Variants in EPS8 observed in about 807,000 individuals in gnomAD.
EPS8 encodes the protein epidermal growth factor receptor kinase substrate 8.
EPS8 carries 42 observed loss-of-function variants against 103.8 expected under a neutral mutation model. The observed-to-expected ratio is 0.40, with a 90% CI of 0.32 to 0.52. The LOEUF (loss-of-function observed/expected upper bound fraction) is 0.52, where lower values mean the gene tolerates loss of function less well. Among genes scored for constraint, EPS8 ranks in the 20% least tolerant of loss-of-function variants. The pLI is 0.40. For synonymous variants in EPS8, 344 were observed against 344.6 expected (o/e 1.00, Z 0.02); for missense variants, 969 against 1,005.1 (o/e 0.96, Z 0.49).
rs1945540591 is a variant in EPS8 at position 15,658,149 on chromosome 12, T to C, written c.1031A>G (p.Lys344Arg). 2 of 1,609,652 alleles carry C rather than the reference T, an allele frequency of 1.2e-6. No individual in the cohort carries two copies. Among genetic ancestry groups the C allele is most frequent in the South Asian group, 2.2e-5 (2 of 90,950 alleles). ...AGGATTCTGAATATGAGACTTCAGTTTGGCCTGCAACATGAAGAAAACAGA... is the reference window on the plus strand; with the variant it reads ...AGGATTCTGAATATGAGACTTCAGTCTGGCCTGCAACATGAAGAAAACAGA... ...KFKHGFNLLAKLKSHIQNPSA... is the reference protein window; with the variant it reads ...KFKHGFNLLARLKSHIQNPSA... The change falls in exon 12 of 21, where the codon AAA (lysine) becomes AGA (arginine). Residue 344 changes from lysine (K) to arginine (R), a missense_variant. Transcript: ENST00000281172.
intron 17 of EPS8, among the ~76,000 whole-genome samples, chr12:15,637,948 A>G (rs1166163085): frequency 6.6e-6 from 1 of 152,192 alleles, no homozygotes; most frequent in Non-Finnish European, 1.5e-5. Context: ...AGTACTCAAT[A>G]TGTATTTGTG....
At chr12:15,661,251 T>C (rs899403756) in intron 9 of EPS8, among the ~76,000 whole-genome samples, 2 of 152,182 alleles carry the variant, frequency 1.3e-5, no homozygotes, top group Non-Finnish European at 2.9e-5. Context: ...CAGAGATCAC[T>C]GGAATGAATT....
At position 15,757,929 on chromosome 12, in the gene EPS8, G is replaced by A. The variant is rs1180183556; in HGVS notation, c.-22+31232C>T. Among the ~76,000 whole-genome samples, 1 of 152,188 alleles carries A rather than the reference G, an allele frequency of 6.6e-6. No homozygotes were observed. Among genetic ancestry groups the A allele is most frequent in the Non-Finnish European group, 1.5e-5 (1 of 68,042 alleles). ...CAGATCTCAGCTGGAACAGCTATCT[G>A]CTCCTCATGCCTACTCAACTGGAAA... On this transcript the variant is annotated intron_variant, in intron 1 of 20. Coordinates refer to ENST00000281172, the MANE Select transcript of EPS8 (RefSeq NM_004447.6). The surrounding 1 kb of genome is among the most constrained non-coding windows in gnomAD (Gnocchi z 4.1).
rs938739183 is a variant in EPS8, at chr12:15,735,912, G to T, written c.-21-52940C>A. Among the ~76,000 whole-genome samples, 1 of 152,178 alleles carries T rather than the reference G, an allele frequency of 6.6e-6. No individual in the cohort carries two copies. The highest frequency in any genetic ancestry group is 2.1e-4 in the South Asian group (1 of 4,820). On this transcript the variant is annotated intron_variant, in intron 1 of 20. Transcript: ENST00000281172. The surrounding 1 kb of genome is among the most constrained non-coding windows in gnomAD (Gnocchi z 4.4). ...GTGTTTTTTTGTGTTTTGTGACAGG[G>T]TCTTGCTCTATTGCCCAGGCTGAAG...
chr12:15,717,561 T>C lies in EPS8; in HGVS notation c.-21-34589A>G, dbSNP rs1946546456. ...GAGATCGTGCCATTGCACTCCAGCCTGGGTGACAGCACGAGACTCCATCTC... is the reference window on the plus strand; with the variant it reads ...GAGATCGTGCCATTGCACTCCAGCCCGGGTGACAGCACGAGACTCCATCTC... On this transcript the variant is annotated intron_variant, in intron 1 of 20. Transcript: ENST00000281172. The surrounding 1 kb of genome is among the most constrained non-coding windows in gnomAD (Gnocchi z 4.3). Among the ~76,000 whole-genome samples, 1 of 151,864 alleles carries C rather than the reference T, an allele frequency of 6.6e-6. No homozygotes were observed. The highest frequency in any genetic ancestry group is 2.4e-5 in the African/African-American group (1 of 41,286).
chr12:15,716,303 C>A lies in EPS8; in HGVS notation c.-21-33331G>T, dbSNP rs1360491343. ...TGCTGTTAAACAAAATTCTGATATA[C>A]CTTTGGCTCCTGAATTATCTATCAG... is the stretch of plus-strand genomic sequence containing the variant. On this transcript the variant is annotated intron_variant, in intron 1 of 20. Coordinates refer to ENST00000281172, the MANE Select transcript of EPS8 (RefSeq NM_004447.6). This position sits in a 1 kb window ranked among gnomAD's most constrained non-coding sequence, Gnocchi z 5.0. Among the ~76,000 whole-genome samples, 4 of 152,084 alleles carry A rather than the reference C, an allele frequency of 2.6e-5. No homozygotes were observed. Among genetic ancestry groups the A allele is most frequent in the Non-Finnish European group, 5.9e-5 (4 of 68,018 alleles).
In EPS8 at chr12:15,700,037, C is replaced by T. The variant is rs1800428778; in HGVS notation, c.-21-17065G>A. 6.6e-6 allele frequency among the ~76,000 whole-genome samples: 1 copy of T among 152,262 alleles called. No individual in the cohort carries two copies. Among genetic ancestry groups the T allele is most frequent in the South Asian group, 2.1e-4 (1 of 4,806 alleles). Reference sequence around the variant, plus strand: ...GACGTGGTGCTACACAACGTGTAGTCGTAGCTACTCTGGAGGCTGAGGCAC... The same window carrying T: ...GACGTGGTGCTACACAACGTGTAGTTGTAGCTACTCTGGAGGCTGAGGCAC... On this transcript the variant is annotated intron_variant, in intron 1 of 20. Coordinates refer to ENST00000281172, the MANE Select transcript of EPS8 (RefSeq NM_004447.6). The surrounding 1 kb of genome is among the most constrained non-coding windows in gnomAD (Gnocchi z 5.1).
At position 15,673,547 on chromosome 12, in the gene EPS8, A is replaced by G. The variant is rs184367565; in HGVS notation, c.137-2624T>C. 5.3e-5 allele frequency among the ~76,000 whole-genome samples: 8 copies of G among 152,266 alleles called. No individual in the cohort carries two copies. The East Asian group carries it at 1.5e-3, about 29-fold the overall frequency. ...TAAAAAGCCTAACTAAAATCTCTCA[A>G]CACTACTCAAGATGAATCCTCTAAT... On this transcript the variant is annotated intron_variant, in intron 3 of 20. Coordinates refer to ENST00000281172, the MANE Select transcript of EPS8 (RefSeq NM_004447.6).
rs1253594107 is a variant in EPS8, at chr12:15,641,818, T to C, written c.1581A>G (p.Pro527=). Residue 527 remains proline (P), a synonymous_variant, in exon 16 of 21, where the codon CCA becomes CCG. Transcript: ENST00000281172. ...CATATTTCTTGGGTTGTGTTTTGAG[T>C]GGTTCATAATTTCTATAAAAAGAAA... is the stretch of plus-strand genomic sequence containing the variant. ...SNRHIDRNYE[P]LKTQPKKYAK... 2 of 1,560,296 alleles carry C rather than the reference T, an allele frequency of 1.3e-6. No homozygotes were observed. The highest frequency in any genetic ancestry group is 1.4e-5 in the African/African-American group (1 of 73,128).
intron 3 of EPS8, among the ~76,000 whole-genome samples, chr12:15,675,926 C>T (rs1334625183): frequency 6.6e-6 from 1 of 152,098 alleles, no homozygotes; most frequent in Non-Finnish European, 1.5e-5. Flanking sequence ...TTAGAGATGC[C>T]ACCATGTCTA....
chr12:15,682,676 A>G (rs1946027977), intron 2 of EPS8, among the ~76,000 whole-genome samples: 1 of 152,238 alleles, frequency 6.6e-6, no homozygotes, highest in African/African-American at 2.4e-5. Flanking sequence ...TGTGAGATCA[A>G]TATCATTATC....
rs775268001 is a variant in EPS8 at position 15,647,205 on chromosome 12, A to T, written c.1490T>A (p.Ile497Asn). 9.9e-6 allele frequency: 16 copies of T among 1,613,862 alleles called. No individual in the cohort carries two copies. The East Asian group carries it at 3.3e-4, about 34-fold the overall frequency. The change falls in exon 15 of 21, where the codon ATT becomes AAT. Residue 497 changes from isoleucine to asparagine, a missense_variant. Transcript: ENST00000281172. ...GTCCAGGTGGGATCCTCTTGTGTAA[A>T]TGTTGCTACTGAACGCATAGCCATC... ...PADGYAFSSN[I>N]YTRGSHLDQG... is the part of the protein sequence containing the mutation.
chr12:15,631,198 G>T (rs1287922754), intron 18 of EPS8, among the ~76,000 whole-genome samples: 1 of 152,168 alleles, frequency 6.6e-6, no homozygotes, highest in African/African-American at 2.4e-5. Flanking sequence ...TCCAGAGTCT[G>T]CATTCAATTA....
rs1453957328 is a variant in EPS8 at position 15,696,284 on chromosome 12, A to T, written c.-21-13312T>A. Reference sequence around the variant, plus strand: ...GCAAAATAAAAGACAGTAGGGATGAAGAAACACAAAAATAAAACAGTAAAA... The same window carrying T: ...GCAAAATAAAAGACAGTAGGGATGATGAAACACAAAAATAAAACAGTAAAA... On this transcript the variant is annotated intron_variant, in intron 1 of 20. Coordinates refer to ENST00000281172, the MANE Select transcript of EPS8 (RefSeq NM_004447.6). The surrounding 1 kb of genome is among the most constrained non-coding windows in gnomAD (Gnocchi z 4.8). 6.6e-6 allele frequency among the ~76,000 whole-genome samples: 1 copy of T among 152,186 alleles called. No individual in the cohort carries two copies. Among genetic ancestry groups the T allele is most frequent in the Non-Finnish European group, 1.5e-5 (1 of 68,024 alleles).
In EPS8 at chr12:15,736,086, T is replaced by C. The variant is rs564458524; in HGVS notation, c.-22+53075A>G. Among the ~76,000 whole-genome samples, 8 of 152,088 alleles carry C rather than the reference T, an allele frequency of 5.3e-5. No homozygotes were observed. Among genetic ancestry groups the C allele is most frequent in the Non-Finnish European group, 1.2e-4 (8 of 68,012 alleles). ...TTCTTTTGTAGAGATAAGGTCTCAC[T>C]ATGTTGCCCAGGCTAGTCTCAAACT... On this transcript the variant is annotated intron_variant, in intron 1 of 20. Transcript: ENST00000281172. This position sits in a 1 kb window ranked among gnomAD's most constrained non-coding sequence, Gnocchi z 4.2.
chr12:15,628,756 G>A (rs1014898160), intron 18 of EPS8, among the ~76,000 whole-genome samples: 4 of 152,144 alleles, frequency 2.6e-5, no homozygotes, highest in Admixed American at 2.6e-4. Flanking sequence ...ATTTCTATGA[G>A]TATTTACTTC....
chr12:15,772,772 C>G lies in EPS8; in HGVS notation c.-22+16389G>C, dbSNP rs1291555121. Among the ~76,000 whole-genome samples, 1 of 152,098 alleles carries G rather than the reference C, an allele frequency of 6.6e-6. No homozygotes were observed. Among genetic ancestry groups the G allele is most frequent in the African/African-American group, 2.4e-5 (1 of 41,412 alleles). On this transcript the variant is annotated intron_variant, in intron 1 of 20. Coordinates refer to ENST00000281172, the MANE Select transcript of EPS8 (RefSeq NM_004447.6). The surrounding 1 kb of genome is among the most constrained non-coding windows in gnomAD (Gnocchi z 5.0). ...ACAGGAGCCAAAGGAAGAGAATATT[C>G]TTTTTATTTAAAAGAAGGCAAAAAT...
rs1353847721 is a variant in EPS8 at position 15,698,021 on chromosome 12, C to G, written c.-21-15049G>C. Among the ~76,000 whole-genome samples the G allele has an allele frequency of 2.6e-5, 4 of 152,168 alleles. No homozygotes were observed. The highest frequency in any genetic ancestry group is 5.9e-5 in the Non-Finnish European group (4 of 68,014). On this transcript the variant is annotated intron_variant, in intron 1 of 20. Coordinates refer to ENST00000281172, the MANE Select transcript of EPS8 (RefSeq NM_004447.6). The surrounding 1 kb of genome is among the most constrained non-coding windows in gnomAD (Gnocchi z 4.9). Reference sequence around the variant, plus strand: ...ATATTTCCAGTTGTATAAAAGCTATCAATAAAACTAGAATTGACACTCTTA... The same window carrying G: ...ATATTTCCAGTTGTATAAAAGCTATGAATAAAACTAGAATTGACACTCTTA...
Position 15,717,353 on chromosome 12 carries a change from G to A in EPS8, c.-21-34381C>T, listed in dbSNP as rs2950435. Reference sequence around the variant, plus strand: ...TGTAATCCTAGCACTTTGGGAGGCCGAGGCAAGTGGATCATCTGAGGTCAG... The same window carrying A: ...TGTAATCCTAGCACTTTGGGAGGCCAAGGCAAGTGGATCATCTGAGGTCAG... On this transcript the variant is annotated intron_variant, in intron 1 of 20. Transcript: ENST00000281172. This position sits in a 1 kb window ranked among gnomAD's most constrained non-coding sequence, Gnocchi z 4.3. 0.91 allele frequency among the ~76,000 whole-genome samples: 139,040 copies of A among 152,210 alleles called. 64,753 individuals are homozygous for A. The highest frequency in any genetic ancestry group is 1 in the Non-Finnish European group (67,883 of 68,020).
Sources: allele counts gnomAD v4.1 joint callset (sites outside exome capture counted in the v4.1 genomes callset), GRCh38; gene constraint gnomAD v4.1.1; non-coding constraint Gnocchi (gnomAD v3.1); transcripts MANE v1.5; gene names NCBI Gene and HGNC (gene_info 2026-07-23, HGNC 2026-07-21).